The following FLT4 variants were observed in gnomAD, a reference collection of about 807,000 sequenced individuals.
The protein encoded by FLT4 is fms related receptor tyrosine kinase 4.
FLT4 carries 30 observed loss-of-function variants against 163.2 expected under a neutral mutation model. That is an observed-to-expected ratio of 0.18 (90% CI 0.14 to 0.25). FLT4 has a LOEUF of 0.25. Among genes scored for constraint, FLT4 ranks in the 10% least tolerant of loss-of-function variants. The pLI, the probability that FLT4 is intolerant of heterozygous loss-of-function variation, is 1.00. For missense variants in FLT4, 1,510 were observed against 1,863.8 expected (o/e 0.81, Z 3.50); for synonymous variants, 884 against 789.5 (o/e 1.12, Z -2.01).
rs1169369338 is a variant in FLT4 at position 180,613,093 on chromosome 5, C to T, written c.3349G>A (p.Gly1117Arg). The T allele has an allele frequency of 6.2e-7, 1 of 1,613,386 alleles. No homozygotes were observed. Among genetic ancestry groups the T allele is most frequent in the African/African-American group, 1.3e-5 (1 of 74,924 alleles). ...IFSLGASPYP[G>R]VQINEEFCQR... ...CAGAACTCCTCATTGATCTGCACCC[C>T]AGGGTACGGGGAGGCCCCTGACAAC... Residue 1117 changes from glycine to arginine, a missense_variant, in exon 25 of 30, where the codon GGG becomes AGG. By Grantham distance (125) the Gly-to-Arg change is moderately radical. Coordinates refer to ENST00000261937, the MANE Select transcript of FLT4 (RefSeq NM_182925.5).
intron 29 of FLT4, among the ~76,000 whole-genome samples, 180 bp downstream of exon 29, chr5:180,608,788 C>A (rs141262699): frequency 1.4e-4 from 22 of 152,276 alleles, no homozygotes; most frequent in Middle Eastern, 6.8e-3. Flanking sequence ...CAGGGAGGGG[C>A]TCCCGCGGTG....
intron 23 of FLT4, among the ~76,000 whole-genome samples, chr5:180,614,554 C>T (rs1383203778): frequency 1.3e-5 from 2 of 152,082 alleles, no homozygotes; most frequent in Non-Finnish European, 2.9e-5. Context: ...GACAAGCACG[C>T]TCTGTCCACT....
Position 180,603,134 on chromosome 5 carries a change from C to T in FLT4, c.*58G>A, listed in dbSNP as rs1761597923. 6.4e-6 allele frequency: 10 copies of T among 1,567,176 alleles called. No individual in the cohort carries two copies. The Admixed American group carries it at 1.4e-4, about 21-fold the overall frequency. ...GAGTTCCCAGCCTGGGCCTCCAGCC[C>T]TCTGCCCGCCCTGCCGGGCCTGAAC... On this transcript the variant is annotated 3_prime_UTR_variant, in exon 30 of 30. Transcript: ENST00000261937.
chr5:180,649,095 C>T (rs1228947872), intron 1 of FLT4, among the ~76,000 whole-genome samples: 1 of 151,874 alleles, frequency 6.6e-6, no homozygotes, highest in Non-Finnish European at 1.5e-5. Flanking sequence ...ATCTCCGGCG[C>T]GCGTGGGTCG....
At position 180,626,275 on chromosome 5, in the gene FLT4, G is replaced by A. The variant is rs549721407; in HGVS notation, c.1104-10C>T. 356 of 1,611,182 alleles carry A rather than the reference G, an allele frequency of 2.2e-4. 2 individuals carry two copies. The highest frequency in any genetic ancestry group is 9.4e-5 in the Non-Finnish European group (111 of 1,179,950). On this transcript the variant is annotated splice_polypyrimidine_tract_variant and intron_variant, in intron 8 of 29. Coordinates refer to ENST00000261937, the MANE Select transcript of FLT4 (RefSeq NM_182925.5). ...CTTTCCATCCTTGTACCTGGCCAGGGAAGGGAGGTCAGGGCCCATACAGAT... is the reference window on the plus strand; with the variant it reads ...CTTTCCATCCTTGTACCTGGCCAGGAAAGGGAGGTCAGGGCCCATACAGAT...
Position 180,621,316 on chromosome 5 carries a change from C to G in FLT4, c.2021-64G>C, listed in dbSNP as rs2242213. ...ACTTAGCAGGAGGACCCTCTTTGGG[C>G]TGGGAGCAGAGGTAGAAAAGGATCC... On this transcript the variant is annotated intron_variant, in intron 13 of 29. Coordinates refer to ENST00000261937, the MANE Select transcript of FLT4 (RefSeq NM_182925.5). 0.069 allele frequency: 108,122 copies of G among 1,560,584 alleles called. 4,213 individuals are homozygous for G. The highest frequency in any genetic ancestry group is 0.11 in the East Asian group (4,750 of 44,214).
At chr5:180,617,023 A>G in intron 21 of FLT4, 29 bp from the exon 22 acceptor site, 1 of 1,560,434 alleles carries the variant, frequency 6.4e-7, no homozygotes, top group Non-Finnish European at 8.8e-7. Flanking sequence ...TGGGCTCAGG[A>G]GGCGCCTCCT....
intron 1 of FLT4, among the ~76,000 whole-genome samples, chr5:180,645,690 C>T (rs1314971524): frequency 1.3e-5 from 2 of 152,188 alleles, no homozygotes; most frequent in African/African-American, 2.4e-5. Flanking sequence ...CCGTCCAGCC[C>T]GGCCAGGGCT....
chr5:180,637,602 G>A (rs942633572), intron 1 of FLT4, among the ~76,000 whole-genome samples: 3 of 152,060 alleles, frequency 2.0e-5, no homozygotes, highest in Admixed American at 6.6e-5. Flanking sequence ...GCGTGATCTC[G>A]GCTCACTGCA....
At chr5:180,640,514 G>GGCCCTGT (rs1765024569) in intron 1 of FLT4, among the ~76,000 whole-genome samples, 1 of 152,252 alleles carries the variant, frequency 6.6e-6, no homozygotes, top group Non-Finnish European at 1.5e-5. Context: ...TGGCTGCCTG[G>GGCCCTGT]GCCCTGTGCC....
rs543738816 is a variant in FLT4, at chr5:180,631,468, A to G, written c.155+214T>C. Among the ~76,000 whole-genome samples, 1,382 of 151,558 alleles carry G rather than the reference A, an allele frequency of 9.1e-3. 24 individuals carry two copies. The highest frequency in any genetic ancestry group is 0.028 in the African/African-American group (1,162 of 41,344). ...AGCCTGGGTGACAGAGTGAGACTCC[A>G]TCTCAGAAAAAAAAAAAGAAATGCT... is the stretch of plus-strand genomic sequence containing the variant. On this transcript the variant is annotated intron_variant, in intron 2 of 29. Coordinates refer to ENST00000261937, the MANE Select transcript of FLT4 (RefSeq NM_182925.5).
At position 180,602,803 on chromosome 5, in the gene FLT4, G is replaced by T. The variant is rs1761583941; in HGVS notation, c.*389C>A. On this transcript the variant is annotated 3_prime_UTR_variant, in exon 30 of 30. Coordinates refer to ENST00000261937, the MANE Select transcript of FLT4 (RefSeq NM_182925.5). ...CTCGTATGCCTTAACCTCCAACACT[G>T]TGTGACTCCCAGACCCACAGATTCC... The T allele has an allele frequency of 2.4e-5, 13 of 547,470 alleles. No homozygotes were observed. The South Asian group carries it at 3.4e-4, about 14-fold the overall frequency. The allele number at this position is 547,470 out of a possible 1,614,324, so 33.9% of individuals were successfully genotyped here. A position where few individuals can be genotyped will look rare whatever the true frequency, so the allele number is the denominator to read the frequency against.
chr5:180,620,756 G>GT lies in FLT4; in HGVS notation c.2300-42dup, dbSNP rs756626224. ...GGGGCCGGCGTGTGTGTGTGTGTGT[G>GT]TAAGAGCGTGCACCTGCAGGCAGCA... On this transcript the variant is annotated intron_variant, in intron 15 of 29. Coordinates refer to ENST00000261937, the MANE Select transcript of FLT4 (RefSeq NM_182925.5). This position sits in a 1 kb window ranked among gnomAD's most constrained non-coding sequence, Gnocchi z 4.4. The GT allele has an allele frequency of 6.3e-7, 1 of 1,577,414 alleles. No individual in the cohort carries two copies. Among genetic ancestry groups the GT allele is most frequent in the Non-Finnish European group, 8.7e-7 (1 of 1,149,012 alleles).
chr5:180,606,105 A>AT lies in FLT4; in HGVS notation c.3894-2716dup, dbSNP rs545088692. Reference sequence around the variant, plus strand: ...GACCTGTGGCACCTTTTCTTGGCTCATTGTCGACAGAGGACAAAGAACAGT... The same window carrying AT: ...GACCTGTGGCACCTTTTCTTGGCTCATTTGTCGACAGAGGACAAAGAACAGT... On this transcript the variant is annotated intron_variant, in intron 29 of 29. Transcript: ENST00000261937. Among the ~76,000 whole-genome samples the AT allele has an allele frequency of 1.2e-3, 182 of 152,328 alleles. 1 individual carries two copies. Among genetic ancestry groups the AT allele is most frequent in the African/African-American group, 4.2e-3 (175 of 41,568 alleles).
chr5:180,606,912 A>ACAAACAAAC (rs1260951118), intron 29 of FLT4, among the ~76,000 whole-genome samples: 6 of 108,038 alleles, frequency 5.6e-5, no homozygotes, highest in African/African-American at 1.8e-4. Flanking sequence ...AAAAAAAAAA[A>ACAAACAAAC]AAACAAACAA....
chr5:180,632,071 G>C (rs1764218193), intron 1 of FLT4, among the ~76,000 whole-genome samples: 1 of 152,170 alleles, frequency 6.6e-6, no homozygotes, highest in Non-Finnish European at 1.5e-5. Flanking sequence ...TGACCCCGGT[G>C]AGCTGAGCGG....
At chr5:180,631,228 C>A (rs112772811) in intron 2 of FLT4, among the ~76,000 whole-genome samples, 4,189 of 152,090 alleles carry the variant, frequency 0.028, 75 homozygotes, top group Non-Finnish European at 0.043. Context: ...AATCCCAGCA[C>A]TTTGGGAGGC....
chr5:180,634,041 T>A (rs1011209203), intron 1 of FLT4, among the ~76,000 whole-genome samples: 6 of 152,082 alleles, frequency 3.9e-5, no homozygotes, highest in Admixed American at 1.3e-4. Flanking sequence ...GTTCCCAAGA[T>A]AAAGCAAGGT....
intron 27 of FLT4, among the ~76,000 whole-genome samples, chr5:180,610,386 G>C (rs952735317): frequency 6.6e-6 from 1 of 152,262 alleles, no homozygotes; most frequent in Non-Finnish European, 1.5e-5. Context: ...CTGCCCGTAC[G>C]TGGGTGCACT....
Sources: gnomAD v4.1 joint callset for allele counts (sites outside exome capture counted in the v4.1 genomes callset) on GRCh38, gnomAD v4.1.1 for gene constraint, Gnocchi (gnomAD v3.1) non-coding constraint, MANE v1.5 for transcripts, NCBI Gene and HGNC (gene_info 2026-07-23, HGNC 2026-07-21) for gene names.